The following MYH3 variants were observed in gnomAD, a reference collection of about 807,000 sequenced individuals.
The protein encoded by MYH3 is myosin-3.
MYH3 carries 130 observed loss-of-function variants against 238.0 expected under a neutral mutation model. The observed-to-expected ratio is 0.55, with a 90% CI of 0.47 to 0.63. MYH3 has a LOEUF of 0.63. MYH3 is among the 30% of genes least tolerant of loss of function. MYH3 has a pLI of 0.00. For synonymous variants in MYH3, 880 were observed against 924.1 expected, an observed-to-expected ratio of 0.95 and a Z score of 0.86; for missense variants, 1,853 against 2,374.9, an observed-to-expected ratio of 0.78 and a Z score of 4.57.
the MYH3 span, chr17:10,677,773 A>G: frequency 2.0e-5 from 3 of 152,224 alleles, no homozygotes; most frequent in Non-Finnish European, 2.9e-5. Flanking sequence ...AGTCTAGTGA[A>G]AACACTGTAA....
At chr17:10,633,466 G>T in intron 33 of MYH3, 125 bp downstream of exon 33, 1 of 1,178,834 alleles carries the variant, frequency 8.5e-7, no homozygotes, top group Non-Finnish European at 1.2e-6. Context: ...TGACGGGAAA[G>T]CAGCAGGCAT....
Position 10,633,647 on chromosome 17 carries a change from T to C in MYH3, c.4591A>G (p.Arg1531Gly), listed in dbSNP as rs1485125112. 19 of 1,614,038 alleles carry C rather than the reference T, an allele frequency of 1.2e-5. No individual in the cohort carries two copies. In the East Asian group the frequency reaches 4.2e-4, roughly 36 times the overall value. ...GCCTTTTCCAGCTCAATCTGCTTTC[T>C]TGATTTCTCCAGTTCATGGATGGTT... Reference protein sequence around the residue: ...GKTIHELEKSRKQIELEKADI... With the variant: ...GKTIHELEKSGKQIELEKADI... Residue 1531 changes from arginine to glycine, a missense_variant, in exon 33 of 41, where the codon AGA becomes GGA. By Grantham distance (125) the Arg-to-Gly change is moderately radical. Coordinates refer to ENST00000583535, the MANE Select transcript of MYH3 (RefSeq NM_002470.4).
Position 10,646,047 on chromosome 17 carries a change from A to G in MYH3, c.899-15T>C. 1 of 1,605,924 alleles carries G rather than the reference A, an allele frequency of 6.2e-7. No individual in the cohort carries two copies. The highest frequency in any genetic ancestry group is 2.2e-5 in the East Asian group (1 of 44,804). The stretch of plus-strand genomic sequence containing the variant: ...AAGCAGCAGCTCTGAAATGACAAAT[A>G]GTTCCAGGAGGTTATGCAGATGCAA... On this transcript the variant is annotated splice_polypyrimidine_tract_variant and intron_variant, in intron 10 of 40. Transcript: ENST00000583535.
At chr17:10,672,377 T>C in the MYH3 span, 1 of 152,216 alleles carries the variant, frequency 6.6e-6, no homozygotes, top group Non-Finnish European at 1.5e-5. Flanking sequence ...TAGATTACTA[T>C]TGATAAGGCA....
chr17:10,635,831 T>C lies in MYH3; in HGVS notation c.3879A>G (p.Glu1293=). Residue 1293 remains glutamate (E), a synonymous_variant, in exon 29 of 41, where the codon GAA becomes GAG. Transcript: ENST00000583535. ...GTTGGGATACTATGCTTTCTTTTTC[T>C]TCCAGCTGACGACTCAGCTCACCTG... is the stretch of plus-strand genomic sequence containing the variant. ...TEAGELSRQL[E]EKESIVSQLS... is the part of the protein sequence containing the mutation. The C allele has an allele frequency of 6.2e-7, 1 of 1,614,192 alleles. No individual in the cohort carries two copies. The highest frequency in any genetic ancestry group is 8.5e-7 in the Non-Finnish European group (1 of 1,180,020).
At chr17:10,641,523 T>TC in intron 17 of MYH3, 151 bp from the exon 18 acceptor site, 1 of 630,082 alleles carries the variant, frequency 1.6e-6, no homozygotes, top group South Asian at 1.9e-5. Flanking sequence ...TTTTTTTTTT[T>TC]TTTTTTTTTG....
At chr17:10,669,275 G>A in the MYH3 span, among the ~76,000 whole-genome samples, 4 of 152,292 alleles carry the variant, frequency 2.6e-5, no homozygotes, top group South Asian at 2.1e-4. Flanking sequence ...AGTTGAGGCC[G>A]GGTGCGGTGG....
At chr17:10,631,583 C>T (rs976858101) in intron 36 of MYH3, 28 bp downstream of exon 36, 4 of 1,614,094 alleles carry the variant, frequency 2.5e-6, no homozygotes, top group South Asian at 2.2e-5. Context: ...CCCGGCAGCC[C>T]GAGGGCAGCA....
At position 10,638,198 on chromosome 17, in the gene MYH3, C is replaced by T. The variant is rs2285477; in HGVS notation, c.3574G>A (p.Ala1192Thr). ...ATLQHEAMVA[A>T]LRKKHADSVA... ...CTATCCGCATGCTTCTTCCTCAGCG[C>T]GGCCACCATGGCTTCGTGCTGCAGT... The change falls in exon 27 of 41, where the codon GCG becomes ACG. Residue 1192 changes from alanine (A) to threonine (T), a missense_variant. Coordinates refer to ENST00000583535, the MANE Select transcript of MYH3 (RefSeq NM_002470.4). The T allele has an allele frequency of 0.75, 1,208,280 of 1,613,298 alleles. 460,038 individuals are homozygous for T. Among genetic ancestry groups the T allele is most frequent in the Non-Finnish European group, 0.79 (936,478 of 1,179,928 alleles).
Position 10,639,570 on chromosome 17 carries a change from G to A in MYH3, c.2915C>T (p.Thr972Ile). The change falls in exon 23 of 41, where the codon ACA (threonine) becomes ATA (isoleucine). Residue 972 changes from threonine to isoleucine, a missense_variant. Thr to Ile is a moderately conservative substitution (Grantham distance 89). Around this residue, in one of 3 missense-constraint regions of MYH3, gnomAD observed 1,044 missense variants for 1,192.6 expected, o/e 0.88. Coordinates refer to ENST00000583535, the MANE Select transcript of MYH3 (RefSeq NM_002470.4). ...LAKVEKEKHATENKVKNLTEE... is the reference protein window; with the variant it reads ...LAKVEKEKHAIENKVKNLTEE... Reference sequence around the variant, plus strand: ...CTACAATAAGAATACCTTGTTCTCTGTGGCATGCTTCTCCTTCTCAACCTT... The same window carrying A: ...CTACAATAAGAATACCTTGTTCTCTATGGCATGCTTCTCCTTCTCAACCTT... 1.9e-6 allele frequency: 3 copies of A among 1,614,116 alleles called. No homozygotes were observed. The highest frequency in any genetic ancestry group is 2.5e-6 in the Non-Finnish European group (3 of 1,180,020).
chr17:10,666,153 T>A, the MYH3 span, among the ~76,000 whole-genome samples: 1 of 152,188 alleles, frequency 6.6e-6, no homozygotes, highest in African/African-American at 2.4e-5. Flanking sequence ...CTAAACTAGA[T>A]CATGGTAGAT....
chr17:10,630,695 C>CA (rs1216433811), intron 36 of MYH3, among the ~76,000 whole-genome samples: 3 of 152,054 alleles, frequency 2.0e-5, no homozygotes, highest in Non-Finnish European at 2.9e-5. Context: ...ACTAAAAATA[C>CA]AAAAAATTAG....
intron 33 of MYH3, 108 bp downstream of exon 33, chr17:10,633,483 T>G (rs1188695992): frequency 7.0e-6 from 10 of 1,419,672 alleles, no homozygotes; most frequent in Non-Finnish European, 9.8e-6. Flanking sequence ...GCATTAGGAC[T>G]GTGATTTGAC....
Position 10,645,857 on chromosome 17 carries a change from A to C in MYH3, c.1003-12T>G. The C allele has an allele frequency of 6.2e-7, 1 of 1,613,960 alleles. No individual in the cohort carries two copies. Among genetic ancestry groups the C allele is most frequent in the Non-Finnish European group, 8.5e-7 (1 of 1,180,010 alleles). On this transcript the variant is annotated splice_polypyrimidine_tract_variant and intron_variant, in intron 11 of 40. Coordinates refer to ENST00000583535, the MANE Select transcript of MYH3 (RefSeq NM_002470.4). ...ATGTCAATGGCGCTCTGGCATGGAA[A>C]GGGCAGCACGTCAGTCAGTTGGCCC...
the MYH3 span, among the ~76,000 whole-genome samples, chr17:10,671,974 A>G: frequency 6.6e-6 from 1 of 152,296 alleles, no homozygotes; most frequent in East Asian, 1.9e-4. Flanking sequence ...ACTCTTTGTT[A>G]TATATTTTTG....
intron 8 of MYH3, 102 bp from the exon 9 acceptor site, chr17:10,647,528 T>TTTTTG (rs142213434): frequency 2.2e-5 from 21 of 934,584 alleles, no homozygotes; most frequent in East Asian, 1.5e-4. Context: ...CCCCCTAAAA[T>TTTTTG]TTTTGTTTTG....
intron 19 of MYH3, 126 bp downstream of exon 19, chr17:10,640,959 T>C (rs1271898374): frequency 1.1e-6 from 1 of 920,434 alleles, no homozygotes; most frequent in Non-Finnish European, 1.8e-6. Flanking sequence ...GGTAGATTGT[T>C]CAGTTTACAT....
intron 1 of MYH3, among the ~76,000 whole-genome samples, chr17:10,656,654 T>C (rs533929775): frequency 1.3e-5 from 2 of 152,160 alleles, no homozygotes; most frequent in African/African-American, 4.8e-5. Flanking sequence ...CCCTCAGCTG[T>C]GCAGAAATCT....
the MYH3 span, among the ~76,000 whole-genome samples, chr17:10,665,711 T>C: frequency 6.6e-6 from 1 of 152,204 alleles, no homozygotes; most frequent in South Asian, 2.1e-4. Flanking sequence ...CAAGCTAATA[T>C]ATAAATGTAA....
Sources: gnomAD v4.1 joint callset for allele counts (sites outside exome capture counted in the v4.1 genomes callset) on GRCh38, gnomAD v4.1.1 for gene constraint, gnomAD v4.1.1 regional missense constraint, MANE v1.5 for transcripts, NCBI Gene and HGNC (gene_info 2026-07-23, HGNC 2026-07-21) for gene names.